Variants in IRAK1BP1 observed in about 807,000 individuals in gnomAD.
IRAK1BP1 encodes the protein interleukin 1 receptor associated kinase 1 binding protein 1.
IRAK1BP1 carries 24 observed loss-of-function variants against 28.0 expected under a neutral mutation model. That is an observed-to-expected ratio of 0.86 (90% CI 0.62 to 1.20). The LOEUF is 1.20. Among genes scored for constraint, IRAK1BP1 ranks in the 50% most tolerant of loss-of-function variants. The probability of loss-of-function intolerance (pLI) is 0.00; values close to 1 mark genes in which losing one functional copy is unlikely to be tolerated. For missense variants in IRAK1BP1, 336 were observed against 316.7 expected (o/e 1.06, Z -0.46); for synonymous variants, 131 against 116.3 (o/e 1.13, Z -0.81).
At chr6:78,927,198 C>T (rs1772912768) in intron 4 of IRAK1BP1, among the ~76,000 whole-genome samples, 1 of 152,064 alleles carries the variant, frequency 6.6e-6, no homozygotes, top group Non-Finnish European at 1.5e-5. Context: ...TCCACATCCT[C>T]GCCAACATTT....
the IRAK1BP1 span, among the ~76,000 whole-genome samples, chr6:78,979,019 A>G: frequency 1.1e-4 from 16 of 152,084 alleles, no homozygotes; most frequent in Non-Finnish European, 2.1e-4. Flanking sequence ...TAGGTATTAT[A>G]AATAATCTAG....
At chr6:78,965,114 T>C in the IRAK1BP1 span, among the ~76,000 whole-genome samples, 1 of 152,188 alleles carries the variant, frequency 6.6e-6, no homozygotes, top group South Asian at 2.1e-4. Context: ...ACAGTTATAT[T>C]ATCATTATTA....
At chr6:78,933,269 G>C (rs1403373582) in intron 4 of IRAK1BP1, among the ~76,000 whole-genome samples, 1 of 152,308 alleles carries the variant, frequency 6.6e-6, no homozygotes, top group South Asian at 2.1e-4. Context: ...TGGATAACTT[G>C]CTTCTTCATC....
At chr6:78,931,216 C>CACATGAATAATAA (rs1197687457) in intron 4 of IRAK1BP1, among the ~76,000 whole-genome samples, 1 of 152,056 alleles carries the variant, frequency 6.6e-6, no homozygotes, top group Non-Finnish European at 1.5e-5. Context: ...GCATGGGAAA[C>CACATGAATAATAA]ACAGTGAAAT....
At chr6:78,923,076 T>C (rs1300214719) in intron 4 of IRAK1BP1, among the ~76,000 whole-genome samples, 1 of 151,980 alleles carries the variant, frequency 6.6e-6, no homozygotes. Flanking sequence ...CATAACAATA[T>C]TAAGTTTAAA....
intron 1 of IRAK1BP1, among the ~76,000 whole-genome samples, chr6:78,868,852 C>T (rs1349759396): frequency 6.6e-6 from 1 of 152,078 alleles, no homozygotes; most frequent in Non-Finnish European, 1.5e-5. Flanking sequence ...GAGTAGGACC[C>T]CAAAGGCCAG....
At position 78,867,633 on chromosome 6, in the gene IRAK1BP1, T is replaced by C; in HGVS notation, c.57T>C (p.Ala19=). The change falls in exon 1 of 4, where the codon GCT becomes GCC. Residue 19 remains alanine, a synonymous_variant. Coordinates refer to ENST00000369940, the MANE Select transcript of IRAK1BP1 (RefSeq NM_001010844.4). ...TGTTCGTGGAACTGGTTCCCTGGGC[T>C]GACCGGAGCCGGGAGAACAACCTGG... ...TRVFVELVPW[A]DRSRENNLAS... is the part of the protein sequence containing the mutation. 2.5e-6 allele frequency: 4 copies of C among 1,614,244 alleles called. No individual in the cohort carries two copies. Among genetic ancestry groups the C allele is most frequent in the Non-Finnish European group, 3.4e-6 (4 of 1,180,046 alleles).
At chr6:78,889,131 A>AAAAG (rs1471384824) in intron 2 of IRAK1BP1, among the ~76,000 whole-genome samples, 2 of 140,720 alleles carry the variant, frequency 1.4e-5, no homozygotes, top group South Asian at 4.3e-4. Context: ...AAAAAAAAAA[A>AAAAG]AAAGAAAGAA....
chr6:78,870,220 T>C (rs1046465631), intron 1 of IRAK1BP1, among the ~76,000 whole-genome samples: 2 of 148,172 alleles, frequency 1.3e-5, no homozygotes, highest in African/African-American at 5.0e-5. Context: ...AGCCCAAGTC[T>C]GAGCTATGGA....
At chr6:78,891,704 C>G (rs1166432795) in intron 2 of IRAK1BP1, among the ~76,000 whole-genome samples, 4 of 152,270 alleles carry the variant, frequency 2.6e-5, no homozygotes, top group Non-Finnish European at 5.9e-5. Flanking sequence ...TCAGGCGATC[C>G]GCCTGCCTCT....
At chr6:78,932,599 A>G (rs1185582129) in intron 4 of IRAK1BP1, among the ~76,000 whole-genome samples, 1 of 151,580 alleles carries the variant, frequency 6.6e-6, no homozygotes, top group South Asian at 2.1e-4. Flanking sequence ...TTGTATTTTT[A>G]GTAGAGACGG....
At chr6:78,966,109 C>T in the IRAK1BP1 span, 7 of 1,083,104 alleles carry the variant, frequency 6.5e-6, no homozygotes, top group South Asian at 8.8e-5. Flanking sequence ...GCTGCTGTCA[C>T]TGCTTTTTCC....
intron 4 of IRAK1BP1, among the ~76,000 whole-genome samples, chr6:78,942,003 C>T (rs1773526725): frequency 6.6e-6 from 1 of 151,708 alleles, no homozygotes; most frequent in South Asian, 2.1e-4. Flanking sequence ...GAAAAATATG[C>T]CACAGGAACT....
At chr6:78,941,258 A>G in intron 4 of IRAK1BP1, 1 of 1,613,596 alleles carries the variant, frequency 6.2e-7, no homozygotes, top group Non-Finnish European at 8.5e-7. Context: ...CCTCTTCACA[A>G]GTTTTGATGG....
chr6:78,945,408 AATT>A, exon 5 of IRAK1BP1: 2 of 1,612,324 alleles, frequency 1.2e-6, no homozygotes, highest in Non-Finnish European at 1.7e-6. Flanking sequence ...TCTTTTGCAG[AATT>A]ATTCCTAGTG....
intron 1 of IRAK1BP1, chr6:78,871,870 C>CTTCACA: frequency 2.0e-6 from 1 of 505,444 alleles, no homozygotes; most frequent in Non-Finnish European, 3.5e-6. Context: ...TACTTGTATC[C>CTTCACA]TTTGGCACTT....
chr6:78,925,238 T>C (rs1207657471), intron 4 of IRAK1BP1, among the ~76,000 whole-genome samples: 1 of 151,990 alleles, frequency 6.6e-6, no homozygotes, highest in South Asian at 2.1e-4. Flanking sequence ...AGTTAGTGGG[T>C]ACGGCACACC....
chr6:78,898,096 C>A lies in IRAK1BP1; in HGVS notation c.545C>A (p.Ala182Glu), dbSNP rs375099531. The change falls in exon 4 of 4, where the codon GCG becomes GAG. Residue 182 changes from alanine to glutamate, a missense_variant. Coordinates refer to ENST00000369940, the MANE Select transcript of IRAK1BP1 (RefSeq NM_001010844.4). ...RQACLVAVEN[A>E]WRKAQEVCNL... ...GCCTGTCTTGTTGCTGTTGAGAATGCGTGGCGCAAAGCTCAAGAAGTCTGT... is the reference window on the plus strand; with the variant it reads ...GCCTGTCTTGTTGCTGTTGAGAATGAGTGGCGCAAAGCTCAAGAAGTCTGT... 2.5e-6 allele frequency: 4 copies of A among 1,612,100 alleles called. No homozygotes were observed. The South Asian group carries it at 4.4e-5, about 18-fold the overall frequency.
At chr6:78,874,443 T>C (rs933908280) in intron 1 of IRAK1BP1, among the ~76,000 whole-genome samples, 1 of 152,194 alleles carries the variant, frequency 6.6e-6, no homozygotes, top group African/African-American at 2.4e-5. Flanking sequence ...ATTTGTAATC[T>C]TCAGATGTTC....
Sources: gnomAD v4.1 joint callset for allele counts (sites outside exome capture counted in the v4.1 genomes callset) on GRCh38, gnomAD v4.1.1 for gene constraint, MANE v1.5 for transcripts, NCBI Gene and HGNC (gene_info 2026-07-23, HGNC 2026-07-21) for gene names.